The following CATSPERD variants were observed in gnomAD, a reference collection of about 807,000 sequenced individuals.
CATSPERD encodes the protein catsper channel auxiliary subunit delta, also known as cation channel sperm-associated auxiliary subunit delta.
CATSPERD carries 86 observed loss-of-function variants against 98.1 expected under a neutral mutation model. The ratio of observed to expected loss-of-function variants is 0.88; its 90% CI spans 0.74 to 1.05. The LOEUF (loss-of-function observed/expected upper bound fraction) is 1.05, where lower values mean the gene tolerates loss of function less well. CATSPERD is among the 50% of genes least tolerant of loss of function. The probability of loss-of-function intolerance (pLI) is 0.00; values close to 1 mark genes in which losing one functional copy is unlikely to be tolerated. For missense variants in CATSPERD, 995 were observed against 1,005.7 expected, an observed-to-expected ratio of 0.99 and a Z score of 0.14; for synonymous variants, 394 against 390.2, an observed-to-expected ratio of 1.01 and a Z score of -0.12.
intron 12 of CATSPERD, 126 bp downstream of exon 12, chr19:5,751,949 G>A: frequency 1.1e-6 from 1 of 905,960 alleles, no homozygotes; most frequent in Non-Finnish European, 1.6e-6. Context: ...GGTTGTTTGA[G>A]GCCAGGAGTT....
rs762579398 is a variant in CATSPERD, at chr19:5,739,313, T to C, written c.460-13T>C. The C allele has an allele frequency of 1.1e-5, 15 of 1,373,722 alleles. No individual in the cohort carries two copies. Among genetic ancestry groups the C allele is most frequent in the Admixed American group, 5.4e-5 (3 of 55,784 alleles). The allele number at this position is 1,373,722 out of a possible 1,614,324, so 85.1% of individuals were successfully genotyped here. A position where few individuals can be genotyped will look rare whatever the true frequency, so the allele number is the denominator to read the frequency against. Reference sequence around the variant, plus strand: ...TCTTTCTTTCATTCTTTCTTTCTTTTTTTTTTTTATAGCATGTCAGTAATT... The same window carrying C: ...TCTTTCTTTCATTCTTTCTTTCTTTCTTTTTTTTATAGCATGTCAGTAATT... On this transcript the variant is annotated splice_polypyrimidine_tract_variant and intron_variant, in intron 6 of 21. Coordinates refer to ENST00000381624, the MANE Select transcript of CATSPERD (RefSeq NM_152784.4).
chr19:5,722,188 C>G (rs1025861642), intron 1 of CATSPERD, among the ~76,000 whole-genome samples: 5 of 151,884 alleles, frequency 3.3e-5, no homozygotes, highest in Non-Finnish European at 7.4e-5. Context: ...ATGTCACGGT[C>G]TCGGCTCACT....
intron 4 of CATSPERD, among the ~76,000 whole-genome samples, chr19:5,730,740 C>T (rs886449606): frequency 1.3e-5 from 2 of 148,452 alleles, no homozygotes; most frequent in African/African-American, 2.5e-5. Context: ...CGGCTGGGCA[C>T]GGTGGCTCAC....
At position 5,768,250 on chromosome 19, in the gene CATSPERD, A is replaced by T; in HGVS notation, c.1634+8A>T. 3 of 1,611,634 alleles carry T rather than the reference A, an allele frequency of 1.9e-6. No homozygotes were observed. Among genetic ancestry groups the T allele is most frequent in the Non-Finnish European group, 2.5e-6 (3 of 1,178,284 alleles). The stretch of plus-strand genomic sequence containing the variant: ...CAGCTTCATCATCGAGAAGTAAGCC[A>T]GCGTCCCCCCGCAACACCTGACACC... On this transcript the variant is annotated splice_region_variant and intron_variant, in intron 18 of 21. Coordinates refer to ENST00000381624, the MANE Select transcript of CATSPERD (RefSeq NM_152784.4).
At chr19:5,722,887 A>C (rs917942591) in intron 1 of CATSPERD, among the ~76,000 whole-genome samples, 2 of 152,132 alleles carry the variant, frequency 1.3e-5, no homozygotes, top group Non-Finnish European at 2.9e-5. Flanking sequence ...GGGTCTGTGA[A>C]GGAGCCTTTA....
intron 1 of CATSPERD, among the ~76,000 whole-genome samples, chr19:5,723,873 T>C (rs974028527): frequency 2.0e-5 from 3 of 150,866 alleles, no homozygotes; most frequent in African/African-American, 7.3e-5. Flanking sequence ...GCCTCCCGGG[T>C]TCAAGCGATT....
Position 5,737,277 on chromosome 19 carries a change from A to G in CATSPERD, c.459+72A>G. ...ACACAAATAATCATGAGTAGACATA[A>G]AGGCTGGGCGTGGTGGCTCATACCT... is the stretch of plus-strand genomic sequence containing the variant. On this transcript the variant is annotated intron_variant, in intron 6 of 21. Coordinates refer to ENST00000381624, the MANE Select transcript of CATSPERD (RefSeq NM_152784.4). The G allele has an allele frequency of 2.9e-6, 3 of 1,049,878 alleles. No individual in the cohort carries two copies. In the South Asian group the frequency reaches 4.0e-5, roughly 14 times the overall value. The allele number at this position is 1,049,878 out of a possible 1,614,324, so 65.0% of individuals were successfully genotyped here. A position where few individuals can be genotyped will look rare whatever the true frequency, so the allele number is the denominator to read the frequency against.
At chr19:5,753,855 AGAGC>A (rs1260771588) in intron 12 of CATSPERD, among the ~76,000 whole-genome samples, 3 of 151,976 alleles carry the variant, frequency 2.0e-5, no homozygotes, top group Non-Finnish European at 4.4e-5. Context: ...CCTGGGCGAC[AGAGC>A]GAGACCCTGT....
chr19:5,726,803 A>T (rs2055612655), intron 2 of CATSPERD, among the ~76,000 whole-genome samples: 1 of 152,218 alleles, frequency 6.6e-6, no homozygotes, highest in African/African-American at 2.4e-5. Flanking sequence ...CACATCTGAC[A>T]TGATCATAGT....
chr19:5,746,205 A>G, intron 9 of CATSPERD, 142 bp downstream of exon 9: 1 of 875,610 alleles, frequency 1.1e-6, no homozygotes, highest in Non-Finnish European at 1.8e-6. Flanking sequence ...AGTGGACCAC[A>G]AGCCCATAAT....
At chr19:5,757,981 C>T in intron 14 of CATSPERD, 49 bp downstream of exon 14, 4 of 1,464,056 alleles carry the variant, frequency 2.7e-6, no homozygotes, top group Non-Finnish European at 3.8e-6. Context: ...TGAGAGGCCC[C>T]CTCTTCCTCC....
At chr19:5,764,647 A>C (rs8109730) in intron 16 of CATSPERD, among the ~76,000 whole-genome samples, 123,651 of 150,494 alleles carry the variant, frequency 0.82, 50,817 homozygotes, top group Non-Finnish European at 0.86. Context: ...GACGGAGTTT[A>C]CTCTTGTTGT....
chr19:5,723,983 G>A (rs1486033633), intron 1 of CATSPERD, among the ~76,000 whole-genome samples: 1 of 151,882 alleles, frequency 6.6e-6, no homozygotes, highest in Non-Finnish European at 1.5e-5. Context: ...AGTAGAGACA[G>A]GGTTTCTCCG....
intron 16 of CATSPERD, among the ~76,000 whole-genome samples, 200 bp downstream of exon 16, chr19:5,763,493 T>G (rs899450306): frequency 6.6e-6 from 1 of 152,206 alleles, no homozygotes; most frequent in African/African-American, 2.4e-5. Flanking sequence ...TATGGATGCA[T>G]GCTTCCACAT....
At chr19:5,757,262 AG>A (rs1372475133) in intron 13 of CATSPERD, among the ~76,000 whole-genome samples, 1 of 151,688 alleles carries the variant, frequency 6.6e-6, no homozygotes, top group East Asian at 1.9e-4. Flanking sequence ...AAATAAAGAA[AG>A]AAAGAAAATA....
At chr19:5,754,468 G>A (rs944311577) in intron 13 of CATSPERD, among the ~76,000 whole-genome samples, 5 of 135,854 alleles carry the variant, frequency 3.7e-5, no homozygotes, top group East Asian at 2.2e-4. Flanking sequence ...GCGTGATCTC[G>A]GCTCACTGCA....
chr19:5,759,662 C>A (rs1331222633), intron 15 of CATSPERD, among the ~76,000 whole-genome samples: 1 of 151,414 alleles, frequency 6.6e-6, no homozygotes, highest in Admixed American at 6.6e-5. Flanking sequence ...CCTGTGCTCA[C>A]AGCAGCGTGA....
At chr19:5,753,797 T>C in intron 12 of CATSPERD, 1 of 265,636 alleles carries the variant, frequency 3.8e-6, no homozygotes, top group South Asian at 4.6e-5. Context: ...TGCTTGATCC[T>C]GGGAGGTCAA....
intron 20 of CATSPERD, among the ~76,000 whole-genome samples, chr19:5,774,290 A>G (rs2056702726): frequency 6.6e-6 from 1 of 151,900 alleles, no homozygotes; most frequent in South Asian, 2.1e-4. Flanking sequence ...TTCTATATGC[A>G]TTCTTCATAT....
Sources: gnomAD v4.1 joint callset for allele counts (sites outside exome capture counted in the v4.1 genomes callset) on GRCh38, gnomAD v4.1.1 for gene constraint, MANE v1.5 for transcripts, NCBI Gene and HGNC (gene_info 2026-07-23, HGNC 2026-07-21) for gene names.